The following WWOX variants were observed in gnomAD, a reference collection of about 807,000 sequenced individuals.
WWOX encodes the protein WW domain containing oxidoreductase.
Under a neutral mutation model 46.2 loss-of-function variants are expected in WWOX, and 69 were observed. The ratio of observed to expected loss-of-function variants is 1.49; its 90% confidence interval spans 1.23 to 1.82. The LOEUF (loss-of-function observed/expected upper bound fraction) is 1.82. Ranked by LOEUF, WWOX falls within the 40% of genes most tolerant of loss-of-function variation. The pLI is 0.00. For synonymous variants in WWOX, 359 were observed against 202.6 expected (o/e 1.77, Z -6.56); for missense variants, 919 against 542.6 (o/e 1.69, Z -6.89).
At chr16:79,134,806 T>C (rs1377764629) in intron 8 of WWOX, among the ~76,000 whole-genome samples, 2 of 152,222 alleles carry the variant, frequency 1.3e-5, no homozygotes, top group African/African-American at 2.4e-5. Flanking sequence ...GTTGCCTGTT[T>C]CTTTTCATTT....
intron 8 of WWOX, among the ~76,000 whole-genome samples, chr16:78,942,649 C>T (rs1295614159): frequency 6.6e-6 from 1 of 152,118 alleles, no homozygotes; most frequent in African/African-American, 2.4e-5. Context: ...TCACACGTGG[C>T]ATGAAGAGAA....
chr16:78,787,656 C>T (rs970863803), intron 8 of WWOX, among the ~76,000 whole-genome samples: 1 of 152,174 alleles, frequency 6.6e-6, no homozygotes, highest in Non-Finnish European at 1.5e-5. Flanking sequence ...CTGCAAACTC[C>T]TGTTTTCCAT....
rs149102290 is a variant in WWOX at position 78,653,823 on chromosome 16, C to G, written c.1056+221071C>G. ...TTGCCATTGAAAGTGATGGCCAAAA[C>G]CACAGTAACTTTTAGCACCAACTTA... On this transcript the variant is annotated intron_variant, in intron 8 of 8. Transcript: ENST00000566780. 3.7e-3 allele frequency among the ~76,000 whole-genome samples: 566 copies of G among 152,312 alleles called. 4 individuals carry two copies. The highest frequency in any genetic ancestry group is 0.013 in the African/African-American group (532 of 41,568).
At chr16:78,259,250 A>T (rs1396379584) in intron 5 of WWOX, among the ~76,000 whole-genome samples, 1 of 152,246 alleles carries the variant, frequency 6.6e-6, no homozygotes, top group Non-Finnish European at 1.5e-5. Context: ...CAAAAGACCA[A>T]GGGATATTTG....
intron 8 of WWOX, among the ~76,000 whole-genome samples, chr16:79,009,815 G>A (rs909280724): frequency 6.6e-6 from 1 of 152,176 alleles, no homozygotes; most frequent in Non-Finnish European, 1.5e-5. Context: ...GGAGGAGGGG[G>A]ACACACAAGA....
chr16:78,360,895 A>G (rs1490168177), intron 5 of WWOX, among the ~76,000 whole-genome samples: 1 of 151,758 alleles, frequency 6.6e-6, no homozygotes, highest in Non-Finnish European at 1.5e-5. Context: ...ATCATGGGTT[A>G]CTGCAGCCTC....
At chr16:79,135,201 A>G (rs1038883664) in intron 8 of WWOX, among the ~76,000 whole-genome samples, 16 of 152,184 alleles carry the variant, frequency 1.1e-4, no homozygotes, top group African/African-American at 2.9e-4. Flanking sequence ...AGAAAAAAAT[A>G]TTTATTTTTG....
chr16:78,886,974 T>C (rs1412067809), intron 8 of WWOX, among the ~76,000 whole-genome samples: 1 of 152,056 alleles, frequency 6.6e-6, no homozygotes, highest in East Asian at 1.9e-4. Context: ...TAGGGTCTGC[T>C]GGGTTTAAGG....
At chr16:78,634,851 T>A (rs1177934440) in intron 8 of WWOX, among the ~76,000 whole-genome samples, 106 of 149,866 alleles carry the variant, frequency 7.1e-4, no homozygotes, top group South Asian at 3.9e-3. Flanking sequence ...TGTGTGTGTG[T>A]GTGTGTGTGT....
chr16:78,790,177 C>T (rs764810466), intron 8 of WWOX, among the ~76,000 whole-genome samples: 36 of 151,942 alleles, frequency 2.4e-4, no homozygotes, highest in African/African-American at 6.3e-4. Context: ...TGCTCTGTTG[C>T]CCGGGCTGGA....
chr16:78,648,304 CT>C (rs2046890070), intron 8 of WWOX, among the ~76,000 whole-genome samples: 1 of 152,196 alleles, frequency 6.6e-6, no homozygotes, highest in Admixed American at 6.5e-5. Flanking sequence ...ATGCGAGGCC[CT>C]TGTTGTAAGG....
At chr16:79,023,314 G>C (rs1002556099) in intron 8 of WWOX, among the ~76,000 whole-genome samples, 7 of 152,180 alleles carry the variant, frequency 4.6e-5, no homozygotes, top group African/African-American at 1.4e-4. Flanking sequence ...GTGCTTTATA[G>C]ACCTCTGATC....
chr16:79,120,930 G>A (rs908015334), intron 8 of WWOX, among the ~76,000 whole-genome samples: 2 of 152,122 alleles, frequency 1.3e-5, no homozygotes, highest in African/African-American at 2.4e-5. Context: ...CACCATGCCC[G>A]GTCAATTTTT....
At chr16:78,904,585 C>T (rs1242388088) in intron 8 of WWOX, among the ~76,000 whole-genome samples, 1 of 152,036 alleles carries the variant, frequency 6.6e-6, no homozygotes, top group South Asian at 2.1e-4. Context: ...GTAAACCCTC[C>T]CTTCCCCAGG....
At chr16:78,684,815 A>C (rs1328097605) in intron 8 of WWOX, among the ~76,000 whole-genome samples, 2 of 152,208 alleles carry the variant, frequency 1.3e-5, no homozygotes, top group African/African-American at 4.8e-5. Flanking sequence ...TGTTTCAGTG[A>C]AGCAGTTATA....
rs566324377 is a variant in WWOX at position 78,650,587 on chromosome 16, T to C, written c.1056+217835T>C. On this transcript the variant is annotated intron_variant, in intron 8 of 8. Coordinates refer to ENST00000566780, the MANE Select transcript of WWOX (RefSeq NM_016373.4). ...TTTTTCATGTATAGGTTATTCACTCTGGTCTTTGAGATTATGTAATTAGCA... is the reference window on the plus strand; with the variant it reads ...TTTTTCATGTATAGGTTATTCACTCCGGTCTTTGAGATTATGTAATTAGCA... Among the ~76,000 whole-genome samples, 39 of 152,344 alleles carry C rather than the reference T, an allele frequency of 2.6e-4. No individual in the cohort carries two copies. In the South Asian group the frequency reaches 8.1e-3, roughly 32 times the overall value.
At position 78,992,064 on chromosome 16, in the gene WWOX, C is replaced by T. The variant is rs190890898; in HGVS notation, c.1057-219544C>T. 1.9e-3 allele frequency among the ~76,000 whole-genome samples: 295 copies of T among 152,278 alleles called. 3 individuals carry two copies. The highest frequency in any genetic ancestry group is 1.6e-3 in the Non-Finnish European group (110 of 68,038). Reference sequence around the variant, plus strand: ...CTCCTTTCACATGCATGCATTAATTCGTTCATTCTTGGAATCTACACACCT... The same window carrying T: ...CTCCTTTCACATGCATGCATTAATTTGTTCATTCTTGGAATCTACACACCT... On this transcript the variant is annotated intron_variant, in intron 8 of 8. Transcript: ENST00000566780.
chr16:78,414,735 CGTG>C (rs1790607256), intron 6 of WWOX, among the ~76,000 whole-genome samples: 3 of 152,148 alleles, frequency 2.0e-5, no homozygotes, highest in South Asian at 2.1e-4. Flanking sequence ...CTCATCCTAA[CGTG>C]GTGGCCTTTC....
At chr16:78,682,303 G>C (rs1169000002) in intron 8 of WWOX, among the ~76,000 whole-genome samples, 1 of 152,170 alleles carries the variant, frequency 6.6e-6, no homozygotes, top group Non-Finnish European at 1.5e-5. Context: ...ATACTTGGTA[G>C]TTTAATAGTT....
Sources: allele counts gnomAD v4.1 joint callset (sites outside exome capture counted in the v4.1 genomes callset), GRCh38; gene constraint gnomAD v4.1.1; transcripts MANE v1.5; gene names NCBI Gene and HGNC (gene_info 2026-07-23, HGNC 2026-07-21).